The following PSD3 variants were observed in gnomAD, a reference collection of about 807,000 sequenced individuals.
PSD3 encodes the protein PH and SEC7 domain-containing protein 3.
A neutral mutation model predicts 105.5 loss-of-function variants in PSD3; 49 were observed. That is an observed-to-expected ratio of 0.46 (90% CI 0.37 to 0.59). The LOEUF is 0.59. Among genes scored for constraint, PSD3 ranks in the 20% least tolerant of loss-of-function variants. The pLI is 0.00. For missense variants in PSD3, 1,561 were observed against 1,263.8 expected (o/e 1.24, Z -3.57); for synonymous variants, 557 against 457.8 (o/e 1.22, Z -2.77).
At chr8:18,924,765 C>T (rs1471710631) in intron 2 of PSD3, 4 of 152,182 alleles carry the variant, frequency 2.6e-5, no homozygotes, top group African/African-American at 9.7e-5. Flanking sequence ...ATTCACCCAA[C>T]ACATTCTATC....
intron 10 of PSD3, among the ~76,000 whole-genome samples, chr8:18,640,462 C>T (rs1807563236): frequency 6.6e-6 from 1 of 152,058 alleles, no homozygotes; most frequent in African/African-American, 2.4e-5. Flanking sequence ...GGAGCAGTTT[C>T]CCCCAGGCTA....
chr8:18,638,716 A>AT (rs1554528670), intron 10 of PSD3, among the ~76,000 whole-genome samples: 2 of 152,096 alleles, frequency 1.3e-5, no homozygotes, highest in African/African-American at 4.8e-5. Flanking sequence ...TTCCAATGTC[A>AT]TTTTTTATAG....
intron 1 of PSD3, among the ~76,000 whole-genome samples, chr8:19,044,296 C>T (rs879891686): frequency 1.1e-4 from 17 of 152,192 alleles, no homozygotes; most frequent in South Asian, 2.1e-4. Flanking sequence ...CCTCAATCCA[C>T]GCTATTTACT....
At chr8:18,729,838 C>G (rs1803604092) in intron 9 of PSD3, among the ~76,000 whole-genome samples, 1 of 152,128 alleles carries the variant, frequency 6.6e-6, no homozygotes, top group African/African-American at 2.4e-5. Flanking sequence ...CATGCTAAAC[C>G]TTCCACTGAG....
intron 10 of PSD3, among the ~76,000 whole-genome samples, chr8:18,643,533 A>G (rs1807805995): frequency 6.6e-6 from 1 of 152,240 alleles, no homozygotes; most frequent in Admixed American, 6.5e-5. Flanking sequence ...CAAACAAGTT[A>G]TCTACTTCAA....
Position 18,787,084 on chromosome 8 carries a change from C to A in PSD3, c.2082+12211G>T, listed in dbSNP as rs115999943. Among the ~76,000 whole-genome samples, 534 of 152,276 alleles carry A rather than the reference C, an allele frequency of 3.5e-3. 3 individuals are homozygous for A. The highest frequency in any genetic ancestry group is 0.012 in the African/African-American group (513 of 41,536). ...TATTATTCAGGCAAACACTACTCAA[C>A]GAATAAAGCAAATTCTAATCAGTGA... On this transcript the variant is annotated intron_variant, in intron 8 of 15. Transcript: ENST00000327040.
At chr8:18,987,033 G>A (rs55649890) in intron 1 of PSD3, among the ~76,000 whole-genome samples, 31,738 of 151,916 alleles carry the variant, frequency 0.21, 4,125 homozygotes, top group Middle Eastern at 0.33. Context: ...TGCAACCTCC[G>A]GCACAAATGG....
chr8:19,050,303 C>G (rs1828478573), intron 1 of PSD3, among the ~76,000 whole-genome samples: 1 of 119,910 alleles, frequency 8.3e-6, no homozygotes, highest in Non-Finnish European at 2.1e-5. Flanking sequence ...CGCCCATGCC[C>G]ATATCCCCGC....
chr8:18,823,958 T>C (rs1483135831), intron 4 of PSD3, among the ~76,000 whole-genome samples: 1 of 151,898 alleles, frequency 6.6e-6, no homozygotes, highest in African/African-American at 2.4e-5. Flanking sequence ...GGCGGGAGGA[T>C]TGCTCAAGCC....
At chr8:18,892,281 TGGTG>T (rs1818843593) in intron 2 of PSD3, among the ~76,000 whole-genome samples, 2 of 151,906 alleles carry the variant, frequency 1.3e-5, no homozygotes, top group Non-Finnish European at 2.9e-5. Context: ...TGGAGTGCAG[TGGTG>T]CTATCTTGGC....
intron 12 of PSD3, among the ~76,000 whole-genome samples, chr8:18,576,687 C>T (rs1161130764): frequency 6.6e-6 from 1 of 152,062 alleles, no homozygotes; most frequent in Non-Finnish European, 1.5e-5. Context: ...TAACAGAACC[C>T]GGCACATGTG....
chr8:18,844,941 T>C (rs1814962960), intron 4 of PSD3, among the ~76,000 whole-genome samples: 1 of 152,122 alleles, frequency 6.6e-6, no homozygotes, highest in South Asian at 2.1e-4. Flanking sequence ...TCATTCCAAA[T>C]TGGTGGGAAA....
intron 9 of PSD3, among the ~76,000 whole-genome samples, chr8:18,731,679 G>C (rs765237642): frequency 1.3e-5 from 2 of 152,152 alleles, no homozygotes; most frequent in East Asian, 1.9e-4. Flanking sequence ...ACTCAGAACA[G>C]TCATGTGTTC....
chr8:19,024,452 C>G (rs550437841), intron 1 of PSD3, among the ~76,000 whole-genome samples: 1 of 152,320 alleles, frequency 6.6e-6, no homozygotes, highest in South Asian at 2.1e-4. Context: ...AGGGGTCCCA[C>G]TAACTCATTG....
At position 18,544,914 on chromosome 8, in the gene PSD3, C is replaced by T. The variant is rs73666679; in HGVS notation, c.2929-8956G>A. Among the ~76,000 whole-genome samples the T allele has an allele frequency of 7.6e-3, 1,164 of 152,222 alleles. 9 individuals are homozygous for T. The highest frequency in any genetic ancestry group is 0.027 in the African/African-American group (1,103 of 41,526). On this transcript the variant is annotated intron_variant, in intron 15 of 15. Coordinates refer to ENST00000327040, the MANE Select transcript of PSD3 (RefSeq NM_015310.4). ...GGAGAGCTGAGTGACCATCAGTAGA[C>T]GCTCCCCACCTCCAGGCCCTGCTAT...
At chr8:18,928,859 C>G (rs1164714076) in intron 2 of PSD3, among the ~76,000 whole-genome samples, 2 of 151,528 alleles carry the variant, frequency 1.3e-5, no homozygotes, top group Non-Finnish European at 2.9e-5. Context: ...TCCTCTTCCT[C>G]TTGCTCAAGA....
At chr8:18,740,772 T>A (rs538904387) in intron 9 of PSD3, among the ~76,000 whole-genome samples, 1 of 152,282 alleles carries the variant, frequency 6.6e-6, no homozygotes, top group East Asian at 1.9e-4. Flanking sequence ...AACAAATGAT[T>A]CCCTCTGTCC....
intron 4 of PSD3, among the ~76,000 whole-genome samples, chr8:18,821,962 G>C (rs1304773078): frequency 6.6e-6 from 1 of 151,730 alleles, no homozygotes; most frequent in African/African-American, 2.4e-5. Flanking sequence ...AAGTAATCGA[G>C]TTCTTTAACT....
chr8:18,820,015 G>C (rs1331267680), intron 4 of PSD3, among the ~76,000 whole-genome samples: 1 of 152,180 alleles, frequency 6.6e-6, no homozygotes, highest in African/African-American at 2.4e-5. Context: ...TCTTCAAAAA[G>C]ATGCTATAAA....
Sources: gnomAD v4.1 joint callset for allele counts (sites outside exome capture counted in the v4.1 genomes callset) on GRCh38, gnomAD v4.1.1 for gene constraint, MANE v1.5 for transcripts, NCBI Gene and HGNC (gene_info 2026-07-23, HGNC 2026-07-21) for gene names.